Variants in MMP20 observed in about 807,000 individuals in gnomAD.
MMP20 encodes matrix metallopeptidase 20, also known as matrix metalloproteinase-20.
A neutral mutation model predicts 51.8 loss-of-function variants in MMP20; 50 were observed. That is an observed-to-expected ratio of 0.97 (90% CI 0.77 to 1.22). MMP20 has a LOEUF of 1.22. MMP20 is among the 50% of genes most tolerant of loss of function. The pLI is 0.00. For missense variants in MMP20, 663 were observed against 601.4 expected, an observed-to-expected ratio of 1.10 and a Z score of -1.07; for synonymous variants, 244 against 216.2, an observed-to-expected ratio of 1.13 and a Z score of -1.13.
intron 1 of MMP20, among the ~76,000 whole-genome samples, chr11:102,623,064 C>G (rs1859770828): frequency 6.6e-6 from 1 of 152,152 alleles, no homozygotes; most frequent in Non-Finnish European, 1.5e-5. Flanking sequence ...TTCCCTGCTC[C>G]TTGGTCTAAG....
At chr11:102,604,277 A>C (rs1380192974) in intron 6 of MMP20, among the ~76,000 whole-genome samples, 1 of 152,094 alleles carries the variant, frequency 6.6e-6, no homozygotes, top group Non-Finnish European at 1.5e-5. Flanking sequence ...TCTGTGCTCC[A>C]AGCTCCTCCT....
chr11:102,605,906 G>A (rs940459440), intron 6 of MMP20, among the ~76,000 whole-genome samples: 4 of 152,158 alleles, frequency 2.6e-5, no homozygotes, highest in Admixed American at 6.5e-5. Context: ...AGAAACCAGA[G>A]TTGGGGGAGA....
At chr11:102,612,738 C>CTT (rs35861660) in intron 2 of MMP20, among the ~76,000 whole-genome samples, 34,152 of 127,044 alleles carry the variant, frequency 0.27, 5,143 homozygotes, top group Middle Eastern at 0.35. Flanking sequence ...TCTTTTCTTT[C>CTT]TTTTTTTTTT....
At chr11:102,613,483 C>T (rs77731527) in intron 2 of MMP20, among the ~76,000 whole-genome samples, 2,454 of 152,238 alleles carry the variant, frequency 0.016, 64 homozygotes, top group African/African-American at 0.055. Flanking sequence ...TTTTAGGGCC[C>T]ACTCAGTGGC....
rs1015000148 is a variant in MMP20, at chr11:102,593,718, C to G, written c.1091-123G>C. ...TATGGGATACTTGCCATGGCTATAA[C>G]CCAACAAGAGATATAAGCTTCTAAC... On this transcript the variant is annotated intron_variant, in intron 7 of 9. Coordinates refer to ENST00000260228, the MANE Select transcript of MMP20 (RefSeq NM_004771.4). The G allele has an allele frequency of 6.3e-6, 7 of 1,113,468 alleles. No individual in the cohort carries two copies. In the East Asian group the frequency reaches 1.7e-4, roughly 27 times the overall value. 69.0% of individuals were successfully genotyped at this position (1,113,468 alleles called of 1,614,324 possible). A position where few individuals can be genotyped will look rare whatever the true frequency, so the allele number is the denominator to read the frequency against.
Position 102,593,449 on chromosome 11 carries a change from C to T in MMP20, c.1237G>A (p.Glu413Lys), listed in dbSNP as rs1342853994. 6.2e-7 allele frequency: 1 copy of T among 1,613,856 alleles called. No homozygotes were observed. The highest frequency in any genetic ancestry group is 8.5e-7 in the Non-Finnish European group (1 of 1,179,894). ...GGAAAAAAGCCATACCTGTAGTATT[C>T]ATCTCCCACAAAGAAAAGGGTCTTC... ...PQKTLFFVGD[E>K]YYSYDERKRK... is the part of the protein sequence containing the mutation. Residue 413 changes from glutamate (E) to lysine (K), a missense_variant, in exon 8 of 10, where the codon GAA becomes AAA. Transcript: ENST00000260228.
Position 102,579,147 on chromosome 11 carries a change from A to G in MMP20, c.1248-5T>C, listed in dbSNP as rs1254368981. ...TTCCTTTTCCTTTCGTCGTAGCTAG[A>G]AAAAGTATTATTTCATAAATAATAT... On this transcript the variant is annotated splice_region_variant and splice_polypyrimidine_tract_variant and intron_variant, in intron 8 of 9. Coordinates refer to ENST00000260228, the MANE Select transcript of MMP20 (RefSeq NM_004771.4). 1.3e-6 allele frequency: 2 copies of G among 1,586,764 alleles called. No individual in the cohort carries two copies. The highest frequency in any genetic ancestry group is 3.3e-5 in the Admixed American group (2 of 59,984).
chr11:102,588,411 T>G (rs1859278138), intron 8 of MMP20, among the ~76,000 whole-genome samples: 1 of 152,170 alleles, frequency 6.6e-6, no homozygotes, highest in Non-Finnish European at 1.5e-5. Flanking sequence ...ATTAAGTTTC[T>G]TAGTTGCCAT....
At chr11:102,584,307 T>C (rs910659357) in intron 8 of MMP20, among the ~76,000 whole-genome samples, 1 of 152,222 alleles carries the variant, frequency 6.6e-6, no homozygotes, top group Admixed American at 6.5e-5. Flanking sequence ...ATCTGACTTT[T>C]TGATTATGGC....
chr11:102,594,902 T>A, intron 6 of MMP20, 145 bp from the exon 7 acceptor site: 6 of 909,270 alleles, frequency 6.6e-6, no homozygotes, highest in Non-Finnish European at 9.1e-6. Flanking sequence ...GTTTTTTTTC[T>A]CTTTTCTTTT....
rs147629756 is a variant in MMP20 at position 102,607,108 on chromosome 11, CT to C, written c.812-433del. 48 of 180,064 alleles carry C rather than the reference CT, an allele frequency of 2.7e-4. 1 individual carries two copies. The highest frequency in any genetic ancestry group is 7.5e-4 in the Admixed American group (14 of 18,546). The allele number at this position is 180,064 out of a possible 1,614,324, so 11.2% of individuals were successfully genotyped here. On this transcript the variant is annotated intron_variant, in intron 5 of 9. Transcript: ENST00000260228. Reference sequence around the variant, plus strand: ...TGGATTGTTTGTTTGTAATTAAGTTCTTTTTTTCTCAATAAGAAAACTTTCT... The same window carrying C: ...TGGATTGTTTGTTTGTAATTAAGTTCTTTTTTCTCAATAAGAAAACTTTCT...
At chr11:102,596,954 G>A (rs1859388816) in intron 6 of MMP20, among the ~76,000 whole-genome samples, 1 of 152,188 alleles carries the variant, frequency 6.6e-6, no homozygotes, top group Admixed American at 6.5e-5. Flanking sequence ...GGGAACCTGG[G>A]ATGAAACCTG....
chr11:102,619,014 G>A (rs1190244823), intron 1 of MMP20, among the ~76,000 whole-genome samples: 4 of 152,190 alleles, frequency 2.6e-5, no homozygotes, highest in African/African-American at 9.7e-5. Flanking sequence ...GGAAAAGGGA[G>A]AGGGAACATG....
rs370649783 is a variant in MMP20, at chr11:102,582,956, A to C, written c.1248-3814T>G. ...AGTCTTATATCCTCACATGGCCTCA[A>C]TCACCATCTGATTACATGATGAATT... On this transcript the variant is annotated intron_variant, in intron 8 of 9. Transcript: ENST00000260228. Among the ~76,000 whole-genome samples the C allele has an allele frequency of 7.2e-5, 11 of 152,260 alleles. 1 individual carries two copies. In the East Asian group the frequency reaches 2.1e-3, roughly 29 times the overall value.
intron 8 of MMP20, among the ~76,000 whole-genome samples, chr11:102,586,816 C>CAA (rs201499041): frequency 7.2e-6 from 1 of 138,532 alleles, no homozygotes; most frequent in African/African-American, 2.7e-5. Context: ...GACTCCGCCT[C>CAA]AAAAAAAAAA....
At chr11:102,604,533 G>A (rs1008608262) in intron 6 of MMP20, among the ~76,000 whole-genome samples, 2 of 152,078 alleles carry the variant, frequency 1.3e-5, no homozygotes, top group African/African-American at 4.8e-5. Context: ...TTGACACTAT[G>A]TGTCTGGCAC....
At chr11:102,624,410 A>G (rs1859791058) in intron 1 of MMP20, among the ~76,000 whole-genome samples, 1 of 5,922 alleles carries the variant, frequency 1.7e-4, no homozygotes, top group African/African-American at 3.9e-4. Flanking sequence ...GCATATATAT[A>G]TATATATATA....
chr11:102,595,113 G>A (rs776013625), intron 6 of MMP20, among the ~76,000 whole-genome samples: 4 of 151,922 alleles, frequency 2.6e-5, no homozygotes, highest in Non-Finnish European at 5.9e-5. Flanking sequence ...GTAGAGACAG[G>A]GTTTCACTTC....
chr11:102,619,629 A>G (rs1357939749), intron 1 of MMP20, among the ~76,000 whole-genome samples: 2 of 152,226 alleles, frequency 1.3e-5, no homozygotes, highest in Non-Finnish European at 2.9e-5. Context: ...TTTTAAATAC[A>G]GGATGCATTC....
Sources: gnomAD v4.1 joint callset for allele counts (sites outside exome capture counted in the v4.1 genomes callset) on GRCh38, gnomAD v4.1.1 for gene constraint, MANE v1.5 for transcripts, NCBI Gene and HGNC (gene_info 2026-07-23, HGNC 2026-07-21) for gene names.